The following ABHD17B variants were observed in gnomAD, a reference collection of about 807,000 sequenced individuals.
ABHD17B encodes the protein abhydrolase domain containing 17B, depalmitoylase, also known as alpha/beta hydrolase domain-containing protein 17B.
In ABHD17B, 9 loss-of-function variants were observed where a neutral mutation model predicts 26.2. The observed-to-expected ratio is 0.34, with a 90% CI of 0.21 to 0.60. The LOEUF is 0.60. Among genes scored for constraint, ABHD17B ranks in the 20% least tolerant of loss-of-function variants. The pLI is 0.80. For missense variants in ABHD17B, 224 were observed against 352.1 expected (o/e 0.64, Z 2.91); for synonymous variants, 127 against 122.3 (o/e 1.04, Z -0.25).
At chr9:71,884,803 G>T (rs1826557755) in intron 1 of ABHD17B, among the ~76,000 whole-genome samples, 1 of 151,814 alleles carries the variant, frequency 6.6e-6, no homozygotes, top group Non-Finnish European at 1.5e-5. Context: ...ATATAGTAGG[G>T]TTTCTAATAT....
intron 1 of ABHD17B, 38 bp downstream of exon 1, chr9:71,910,596 C>T (rs1039558164): frequency 2.0e-5 from 3 of 152,040 alleles, no homozygotes; most frequent in Non-Finnish European, 2.9e-5. Flanking sequence ...CTCCCCGAGC[C>T]GGGCTGCGGC....
rs373926576 is a variant in ABHD17B, at chr9:71,904,755, A to G, written c.-4+5879T>C. ...AAACAGGTAAAGTAAAAAAGAGAAA[A>G]GTTGGAATGAAAGAGGTGTCAAATT... On this transcript the variant is annotated intron_variant, in intron 1 of 3. Transcript: ENST00000333421. Among the ~76,000 whole-genome samples the G allele has an allele frequency of 2.0e-5, 3 of 152,220 alleles. No homozygotes were observed. The South Asian group carries it at 6.2e-4, about 32-fold the overall frequency.
At chr9:71,869,018 T>C (rs745936284) in intron 3 of ABHD17B, among the ~76,000 whole-genome samples, 3 of 152,256 alleles carry the variant, frequency 2.0e-5, no homozygotes, top group Non-Finnish European at 2.9e-5. Flanking sequence ...TTGCTCTCTG[T>C]TGGTGCACCA....
At chr9:71,903,325 TATTA>T (rs922358355) in intron 1 of ABHD17B, among the ~76,000 whole-genome samples, 118 of 152,270 alleles carry the variant, frequency 7.7e-4, no homozygotes, top group African/African-American at 2.7e-3. Context: ...ATAACTAAAA[TATTA>T]ATTGCTTGTT....
intron 1 of ABHD17B, among the ~76,000 whole-genome samples, chr9:71,899,296 G>A (rs560681687): frequency 6.6e-6 from 1 of 152,228 alleles, no homozygotes; most frequent in South Asian, 2.1e-4. Context: ...GTGGGATGGA[G>A]GAAAGCAGAA....
intron 1 of ABHD17B, among the ~76,000 whole-genome samples, chr9:71,899,919 T>A (rs1827082683): frequency 6.6e-6 from 1 of 151,940 alleles, no homozygotes; most frequent in Admixed American, 6.6e-5. Flanking sequence ...TTTAAAAGCC[T>A]CTAAATGACA....
chr9:71,895,361 G>C (rs1205691426), intron 1 of ABHD17B, among the ~76,000 whole-genome samples: 6 of 152,194 alleles, frequency 3.9e-5, no homozygotes. Context: ...TGGAAGCCAA[G>C]AAGTTATAAC....
rs368211543 is a variant in ABHD17B, at chr9:71,895,780, T to C, written c.-4+14854A>G. The stretch of plus-strand genomic sequence containing the variant: ...CTTATTTGGATGGTTCGGAGCTAGG[T>C]ACTATTTAATCAATTCCATGCAAAA... On this transcript the variant is annotated intron_variant, in intron 1 of 3. Transcript: ENST00000333421. Among the ~76,000 whole-genome samples the C allele has an allele frequency of 1.2e-4, 19 of 152,270 alleles. 1 individual carries two copies. Among genetic ancestry groups the C allele is most frequent in the East Asian group, 9.7e-4 (5 of 5,172 alleles).
At position 71,866,806 on chromosome 9, in the gene ABHD17B, T is replaced by C. The variant is rs777225213; in HGVS notation, c.848A>G (p.Gln283Arg). The part of the protein sequence containing the change: ...YLERLKQFVS[Q>R]ELVNL ...AATATTTTACAAATTTACCAGTTCC[T>C]GTGACACAAACTGTTTCAACCTTTC... The change falls in exon 4 of 4, where the codon CAG (glutamine) becomes CGG (arginine). Residue 283 changes from glutamine (Q) to arginine (R), a missense_variant. Transcript: ENST00000333421. 6.2e-7 allele frequency: 1 copy of C among 1,614,050 alleles called. No individual in the cohort carries two copies. The highest frequency in any genetic ancestry group is 8.5e-7 in the Non-Finnish European group (1 of 1,180,022).
At chr9:71,862,685 T>C (rs1328144590), downstream of ABHD17B, 2 of 637,670 alleles carry the variant, frequency 3.1e-6, no homozygotes, top group East Asian at 2.9e-5. Flanking sequence ...CATAACTGTT[T>C]ATGAAAAATC....
chr9:71,898,088 G>T (rs1007577461), intron 1 of ABHD17B, among the ~76,000 whole-genome samples: 3 of 152,048 alleles, frequency 2.0e-5, no homozygotes, highest in Non-Finnish European at 2.9e-5. Flanking sequence ...ATATTTAACA[G>T]ATTGGGAATT....
At chr9:71,874,145 T>C (rs1032742116) in intron 2 of ABHD17B, among the ~76,000 whole-genome samples, 1 of 152,064 alleles carries the variant, frequency 6.6e-6, no homozygotes, top group African/African-American at 2.4e-5. Context: ...ATAAGAAAGC[T>C]TACAAAAACC....
At chr9:71,879,760 A>C (rs1255806354) in intron 1 of ABHD17B, among the ~76,000 whole-genome samples, 1 of 152,184 alleles carries the variant, frequency 6.6e-6, no homozygotes, top group Non-Finnish European at 1.5e-5. Flanking sequence ...TATTCTAAAC[A>C]CTTTTCACAT....
chr9:71,878,983 C>T (rs1168710869), intron 1 of ABHD17B, among the ~76,000 whole-genome samples: 1 of 152,156 alleles, frequency 6.6e-6, no homozygotes, highest in Non-Finnish European at 1.5e-5. Flanking sequence ...TGGCAAAACT[C>T]CATCTCTATA....
intron 1 of ABHD17B, among the ~76,000 whole-genome samples, chr9:71,880,295 C>G (rs972063035): frequency 6.6e-6 from 1 of 151,974 alleles, no homozygotes; most frequent in Non-Finnish European, 1.5e-5. Flanking sequence ...AAACTTAGAA[C>G]TGTAAATAAA....
intron 2 of ABHD17B, among the ~76,000 whole-genome samples, chr9:71,873,615 C>A (rs1826174643): frequency 1.3e-5 from 2 of 152,146 alleles, no homozygotes; most frequent in African/African-American, 4.8e-5. Context: ...CCAGGCTGGT[C>A]TCGAATACCT....
intron 1 of ABHD17B, among the ~76,000 whole-genome samples, chr9:71,897,972 G>A (rs1827007231): frequency 1.3e-5 from 2 of 152,126 alleles, no homozygotes; most frequent in African/African-American, 4.8e-5. Context: ...TTCAAATATG[G>A]AAATTTTGTC....
At chr9:71,870,406 AGTTT>A in intron 2 of ABHD17B, 144 bp from the exon 3 acceptor site, 1 of 603,014 alleles carries the variant, frequency 1.7e-6, no homozygotes. Flanking sequence ...TATTACTGTT[AGTTT>A]TAACATTACA....
chr9:71,866,976 T>C lies in ABHD17B; in HGVS notation c.678A>G (p.Pro226=), dbSNP rs778974377. 6.2e-7 allele frequency: 1 copy of C among 1,614,116 alleles called. No homozygotes were observed. The highest frequency in any genetic ancestry group is 1.1e-5 in the South Asian group (1 of 91,082). ...CTTCAGTCCCATGAATTATTAATAC[T>C]GGAGAGGTTATCTTAGAGATTTTGT... The part of the protein sequence containing the change: ...NIDKISKITS[P]VLIIHGTEDE... The change falls in exon 4 of 4, where the codon CCA becomes CCG. Residue 226 remains proline, a synonymous_variant. Coordinates refer to ENST00000333421, the MANE Select transcript of ABHD17B (RefSeq NM_001025780.3).
Sources: allele counts gnomAD v4.1 joint callset (sites outside exome capture counted in the v4.1 genomes callset), GRCh38; gene constraint gnomAD v4.1.1; transcripts MANE v1.5; gene names NCBI Gene and HGNC (gene_info 2026-07-23, HGNC 2026-07-21).